ENTREP1: variants seen among roughly 807,000 people sequenced by gnomAD.
ENTREP1 encodes Friedreich ataxia region gene X123.
the ENTREP1 span, chr9:69,324,838 T>C: frequency 1.0e-6 from 1 of 984,872 alleles, no homozygotes; most frequent in East Asian, 1.1e-4. Context: ...CTCCTCGCTC[T>C]TCTCTAGCCC....
At chr9:69,374,774 A>G in the ENTREP1 span, among the ~76,000 whole-genome samples, 1 of 152,200 alleles carries the variant, frequency 6.6e-6, no homozygotes, top group African/African-American at 2.4e-5. Context: ...GTGGATGTTC[A>G]TTATTTAGGA....
the ENTREP1 span, among the ~76,000 whole-genome samples, chr9:69,388,904 A>G: frequency 6.6e-6 from 1 of 152,218 alleles, no homozygotes; most frequent in African/African-American, 2.4e-5. Flanking sequence ...TTGGCAAGAT[A>G]AATAAGCCAA....
chr9:69,377,450 G>GAT, the ENTREP1 span: 1 of 1,613,908 alleles, frequency 6.2e-7, no homozygotes, highest in African/African-American at 1.3e-5. Flanking sequence ...GCTACCTCCA[G>GAT]ATATTCGCAA....
chr9:69,336,085 G>T, the ENTREP1 span: 1 of 504,264 alleles, frequency 2.0e-6, no homozygotes, highest in Non-Finnish European at 3.4e-6. Context: ...AATCCAGGAG[G>T]AATATTAAAT....
At chr9:69,358,902 C>CTTTTTTTTTTTTTTTTTTTTTTTTTTT in the ENTREP1 span, among the ~76,000 whole-genome samples, 2 of 96,368 alleles carry the variant, frequency 2.1e-5, no homozygotes, top group Admixed American at 1.1e-4. Flanking sequence ...CTTTTTCTTT[C>CTTTTTTTTTTTTTTTTTTTTTTTTTTT]TTTTTTTTTT....
the ENTREP1 span, among the ~76,000 whole-genome samples, chr9:69,390,601 G>A: frequency 6.6e-6 from 1 of 152,084 alleles, no homozygotes; most frequent in Non-Finnish European, 1.5e-5. Flanking sequence ...TTTATTAAAG[G>A]ATTATCAGAT....
At chr9:69,389,916 C>T in the ENTREP1 span, among the ~76,000 whole-genome samples, 1 of 152,236 alleles carries the variant, frequency 6.6e-6, no homozygotes, top group Admixed American at 6.5e-5. Context: ...ATCTCCTGGG[C>T]CTTCCAGGAC....
the ENTREP1 span, among the ~76,000 whole-genome samples, chr9:69,340,655 G>GCA: frequency 7.8e-3 from 870 of 110,842 alleles, 15 homozygotes; most frequent in African/African-American, 0.019. Context: ...GTGTGTGCAT[G>GCA]TGTGTGTGTG....
chr9:69,360,898 C>A, the ENTREP1 span, among the ~76,000 whole-genome samples: 1 of 149,742 alleles, frequency 6.7e-6, no homozygotes. Flanking sequence ...ATGTAAATTG[C>A]AAAAAAAAAA....
the ENTREP1 span, among the ~76,000 whole-genome samples, chr9:69,368,889 G>A: frequency 6.6e-6 from 1 of 151,828 alleles, no homozygotes; most frequent in Non-Finnish European, 1.5e-5. Flanking sequence ...GAACGTGCAG[G>A]TTCGTTACAT....
chr9:69,377,500 T>G, the ENTREP1 span: 1 of 1,609,218 alleles, frequency 6.2e-7, no homozygotes, highest in South Asian at 1.1e-5. Flanking sequence ...AAGGGCATCA[T>G]GGCCACGTTT....
the ENTREP1 span, chr9:69,377,399 T>C: frequency 6.2e-7 from 1 of 1,614,042 alleles, no homozygotes; most frequent in Non-Finnish European, 8.5e-7. Context: ...GTGCCTTGAA[T>C]GCCCTGACCA....
At chr9:69,362,095 G>A in the ENTREP1 span, among the ~76,000 whole-genome samples, 5 of 152,032 alleles carry the variant, frequency 3.3e-5, no homozygotes, top group Admixed American at 6.6e-5. Flanking sequence ...GCCTTCCCAC[G>A]GTTACTGGAA....
At chr9:69,328,900 C>A in the ENTREP1 span, among the ~76,000 whole-genome samples, 2 of 152,146 alleles carry the variant, frequency 1.3e-5, no homozygotes, top group Non-Finnish European at 2.9e-5. Flanking sequence ...TAGCCACCCA[C>A]TGATTAACCC....
At chr9:69,349,100 C>G in the ENTREP1 span, among the ~76,000 whole-genome samples, 1 of 144,064 alleles carries the variant, frequency 6.9e-6, no homozygotes, top group Non-Finnish European at 1.5e-5. Context: ...AGGGGAATCG[C>G]TTGAACCCAG....
At chr9:69,329,610 C>A in the ENTREP1 span, 2 of 985,082 alleles carry the variant, frequency 2.0e-6, no homozygotes, top group Non-Finnish European at 1.2e-6. Flanking sequence ...CCTGGTATCA[C>A]CGGTAAATCA....
At chr9:69,372,346 C>G in the ENTREP1 span, among the ~76,000 whole-genome samples, 1 of 152,110 alleles carries the variant, frequency 6.6e-6, no homozygotes, top group Non-Finnish European at 1.5e-5. Context: ...GCAACAGCTC[C>G]CCATCCTCCA....
chr9:69,340,813 A>ATGTGTGTG, the ENTREP1 span, among the ~76,000 whole-genome samples: 12,698 of 140,352 alleles, frequency 0.09, 732 homozygotes, highest in East Asian at 0.18. Flanking sequence ...GTGTGTGTGT[A>ATGTGTGTG]TGTGTGTGTG....
At chr9:69,375,609 T>G in the ENTREP1 span, 1 of 720,878 alleles carries the variant, frequency 1.4e-6, no homozygotes, top group Non-Finnish European at 2.3e-6. Context: ...CCATCCTGAC[T>G]GATAGAGGCA....
Sources: allele counts gnomAD v4.1 joint callset (sites outside exome capture counted in the v4.1 genomes callset), GRCh38; gene constraint gnomAD v4.1.1; transcripts MANE v1.5; gene names NCBI Gene and HGNC (gene_info 2026-07-23, HGNC 2026-07-21).